The following LRRC55 variants were observed in gnomAD, a reference collection of about 807,000 sequenced individuals.
LRRC55 encodes the protein leucine-rich repeat-containing protein 55.
A neutral mutation model predicts 20.5 loss-of-function variants in LRRC55; 11 were observed. The observed-to-expected ratio is 0.54, with a 90% confidence interval of 0.34 to 0.89. The LOEUF (loss-of-function observed/expected upper bound fraction) is 0.89. LRRC55 is among the 40% of genes least tolerant of loss of function. The probability of loss-of-function intolerance (pLI) is 0.02; values close to 1 mark genes in which losing one functional copy is unlikely to be tolerated. For missense variants in LRRC55, 358 were observed against 390.9 expected, an observed-to-expected ratio of 0.92 and a Z score of 0.71; for synonymous variants, 188 against 166.6, an observed-to-expected ratio of 1.13 and a Z score of -0.99.
rs909317977 is a variant in LRRC55 at position 57,191,678 on chromosome 11, T to C, written c.*4198T>C. The C allele has an allele frequency of 6.6e-6, 1 of 152,264 alleles. No homozygotes were observed. The highest frequency in any genetic ancestry group is 1.9e-4 in the East Asian group (1 of 5,182). 9.4% of individuals were successfully genotyped at this position (152,264 alleles called of 1,614,324 possible). On this transcript the variant is annotated 3_prime_UTR_variant, in exon 2 of 2. Coordinates refer to ENST00000497933, the MANE Select transcript of LRRC55 (RefSeq NM_001005210.4). Reference sequence around the variant, plus strand: ...TTTTGTAACTGTGCAGAATTTTTCATAAATGTACATTAATAATAAAGAGTG... The same window carrying C: ...TTTTGTAACTGTGCAGAATTTTTCACAAATGTACATTAATAATAAAGAGTG...
Position 57,190,694 on chromosome 11 carries a change from C to T in LRRC55, c.*3214C>T, listed in dbSNP as rs1854497603. 1 of 152,142 alleles carries T rather than the reference C, an allele frequency of 6.6e-6. No individual in the cohort carries two copies. The highest frequency in any genetic ancestry group is 6.5e-5 in the Admixed American group (1 of 15,280). 9.4% of individuals were successfully genotyped at this position (152,142 alleles called of 1,614,324 possible). A position where few individuals can be genotyped will look rare whatever the true frequency, so the allele number is the denominator to read the frequency against. ...CTGACATAGTCCACTCAGCCATAGG[C>T]TGAGTGGCTAAATATGCATAAATAA... On this transcript the variant is annotated 3_prime_UTR_variant, in exon 2 of 2. Transcript: ENST00000497933.
chr11:57,187,203 C>G, intron 1 of LRRC55, 42 bp from the exon 2 acceptor site: 2 of 1,574,748 alleles, frequency 1.3e-6, no homozygotes, highest in Non-Finnish European at 1.7e-6. Flanking sequence ...AATCCCCTCT[C>G]CTTCCCTGGG....
At chr11:57,182,810 C>T in intron 1 of LRRC55, 127 bp downstream of exon 1, 1 of 979,862 alleles carries the variant, frequency 1.0e-6, no homozygotes, top group Non-Finnish European at 1.4e-6. Flanking sequence ...GTGGGCTTGC[C>T]TCTTTGTACA....
chr11:57,185,270 C>CTTTTTTTTTTTTTTTTTT (rs58800728), intron 1 of LRRC55, among the ~76,000 whole-genome samples: 23 of 89,438 alleles, frequency 2.6e-4, no homozygotes, highest in Non-Finnish European at 3.6e-4. Flanking sequence ...CTTTTCTTTT[C>CTTTTTTTTTTTTTTTTTT]TTTTTTTTTT....
At position 57,189,025 on chromosome 11, in the gene LRRC55, G is replaced by A. The variant is rs1161572244; in HGVS notation, c.*1545G>A. The A allele has an allele frequency of 6.6e-6, 1 of 152,228 alleles. No individual in the cohort carries two copies. The highest frequency in any genetic ancestry group is 1.5e-5 in the Non-Finnish European group (1 of 68,068). The allele number at this position is 152,228 out of a possible 1,614,324, so 9.4% of individuals were successfully genotyped here. A position where few individuals can be genotyped will look rare whatever the true frequency, so the allele number is the denominator to read the frequency against. The stretch of plus-strand genomic sequence containing the variant: ...AAAATCAAGTAACTTTACGAGCAAA[G>A]CACAATTATCATCATCGTGGTCTTC... On this transcript the variant is annotated 3_prime_UTR_variant, in exon 2 of 2. Transcript: ENST00000497933.
In LRRC55 at chr11:57,187,288, C is replaced by A. The variant is rs764183796; in HGVS notation, c.705C>A (p.Gly235=). Reference sequence around the variant, plus strand: ...GCCGGGGCCCTCCTGAAGTCGAGGGCGCCCCGCTCTTCTCACTCACTGAGG... The same window carrying A: ...GCCGGGGCCCTCCTGAAGTCGAGGGAGCCCCGCTCTTCTCACTCACTGAGG... ...AECRGPPEVE[G]APLFSLTEES... Residue 235 remains glycine (G), a synonymous_variant, in exon 2 of 2, where the codon GGC becomes GGA. Coordinates refer to ENST00000497933, the MANE Select transcript of LRRC55 (RefSeq NM_001005210.4). The A allele has an allele frequency of 6.2e-7, 1 of 1,614,034 alleles. No individual in the cohort carries two copies. Among genetic ancestry groups the A allele is most frequent in the East Asian group, 2.2e-5 (1 of 44,868 alleles).
At position 57,190,726 on chromosome 11, in the gene LRRC55, C is replaced by T. The variant is rs1854497954; in HGVS notation, c.*3246C>T. The T allele has an allele frequency of 6.6e-6, 1 of 152,126 alleles. No individual in the cohort carries two copies. Among genetic ancestry groups the T allele is most frequent in the African/African-American group, 2.4e-5 (1 of 41,412 alleles). The allele number at this position is 152,126 out of a possible 1,614,324, so 9.4% of individuals were successfully genotyped here. A position where few individuals can be genotyped will look rare whatever the true frequency, so the allele number is the denominator to read the frequency against. Reference sequence around the variant, plus strand: ...GCTAAATATGCATAAATAAGCATGCCTAAATAGGCATATATAGGTTGGTGC... The same window carrying T: ...GCTAAATATGCATAAATAAGCATGCTTAAATAGGCATATATAGGTTGGTGC... On this transcript the variant is annotated 3_prime_UTR_variant, in exon 2 of 2. Coordinates refer to ENST00000497933, the MANE Select transcript of LRRC55 (RefSeq NM_001005210.4).
chr11:57,190,282 T>C lies in LRRC55; in HGVS notation c.*2802T>C, dbSNP rs1169113281. On this transcript the variant is annotated 3_prime_UTR_variant, in exon 2 of 2. Transcript: ENST00000497933. Reference sequence around the variant, plus strand: ...CAATGTCCTTTCTAGTGGGACAATTTGGTCTCCATTAATGCCAAGCCTTTC... The same window carrying C: ...CAATGTCCTTTCTAGTGGGACAATTCGGTCTCCATTAATGCCAAGCCTTTC... The C allele has an allele frequency of 6.6e-6, 1 of 152,236 alleles. No individual in the cohort carries two copies. The highest frequency in any genetic ancestry group is 2.4e-5 in the African/African-American group (1 of 41,462). 9.4% of individuals were successfully genotyped at this position (152,236 alleles called of 1,614,324 possible). A position where few individuals can be genotyped will look rare whatever the true frequency, so the allele number is the denominator to read the frequency against.
At chr11:57,183,732 G>A (rs1052195825) in intron 1 of LRRC55, among the ~76,000 whole-genome samples, 3 of 152,196 alleles carry the variant, frequency 2.0e-5, no homozygotes, top group Non-Finnish European at 2.9e-5. Context: ...AGGGTAGGGA[G>A]CTGAAAGGAA....
Position 57,187,904 on chromosome 11 carries a change from T to A in LRRC55, c.*424T>A. ...TTTGTCAGGTAGGCAAAGAAGGGTG[T>A]CTGCACATGGCAGAGGCCAGAATAT... is the stretch of plus-strand genomic sequence containing the variant. On this transcript the variant is annotated 3_prime_UTR_variant, in exon 2 of 2. Transcript: ENST00000497933. 1 of 278,856 alleles carries A rather than the reference T, an allele frequency of 3.6e-6. No homozygotes were observed. Among genetic ancestry groups the A allele is most frequent in the Non-Finnish European group, 6.9e-6 (1 of 145,074 alleles). 17.3% of individuals were successfully genotyped at this position (278,856 alleles called of 1,614,324 possible).
At position 57,182,300 on chromosome 11, in the gene LRRC55, T is replaced by G. The variant is rs1286330601; in HGVS notation, c.278T>G (p.Val93Gly). ...CTCACATGCTACATGGAGCTCCAGG[T>G]GCTGGATTTGCACAACAACTCCTTA... ...GYLTCYMELQVLDLHNNSLME... is the reference protein window; with the variant it reads ...GYLTCYMELQGLDLHNNSLME... The change falls in exon 1 of 2, where the codon GTG becomes GGG. Residue 93 changes from valine to glycine, a missense_variant. Around this residue, in one of 3 missense-constraint regions of LRRC55, gnomAD observed 175 missense variants for 164.5 expected, o/e 1.06. Coordinates refer to ENST00000497933, the MANE Select transcript of LRRC55 (RefSeq NM_001005210.4). 1 of 1,614,088 alleles carries G rather than the reference T, an allele frequency of 6.2e-7. No individual in the cohort carries two copies. Among genetic ancestry groups the G allele is most frequent in the Non-Finnish European group, 8.5e-7 (1 of 1,179,998 alleles).
At chr11:57,184,983 G>C (rs1004383255) in intron 1 of LRRC55, among the ~76,000 whole-genome samples, 4 of 152,180 alleles carry the variant, frequency 2.6e-5, no homozygotes, top group African/African-American at 7.2e-5. Flanking sequence ...ATCCTGGCCT[G>C]GGCAGGACGG....
Position 57,187,809 on chromosome 11 carries a change from T to C in LRRC55, c.*329T>C. On this transcript the variant is annotated 3_prime_UTR_variant, in exon 2 of 2. Coordinates refer to ENST00000497933, the MANE Select transcript of LRRC55 (RefSeq NM_001005210.4). ...GGCCCAGAGGAGGAGCCATCATCTG[T>C]ATCTAGCAATGTCCATGAGAATTAT... 2.4e-6 allele frequency: 1 copy of C among 412,236 alleles called. No homozygotes were observed. The allele number at this position is 412,236 out of a possible 1,614,324, so 25.5% of individuals were successfully genotyped here. A position where few individuals can be genotyped will look rare whatever the true frequency, so the allele number is the denominator to read the frequency against.
intron 1 of LRRC55, among the ~76,000 whole-genome samples, chr11:57,185,270 C>CTTT (rs58800728): frequency 8.4e-4 from 75 of 89,362 alleles, no homozygotes; most frequent in South Asian, 1.4e-3. Context: ...CTTTTCTTTT[C>CTTT]TTTTTTTTTT....
Position 57,181,981 on chromosome 11 carries a change from C to T in LRRC55, c.-42C>T, listed in dbSNP as rs901518256. ...GACTCTCGATTCCATGGACACAGTC[C>T]TCATGGGCTCCCTCCAGCACTGCTG... is the stretch of plus-strand genomic sequence containing the variant. On this transcript the variant is annotated 5_prime_UTR_variant, in exon 1 of 2. Transcript: ENST00000497933. 5 of 1,614,038 alleles carry T rather than the reference C, an allele frequency of 3.1e-6. No homozygotes were observed. The Admixed American group carries it at 5.0e-5, about 16-fold the overall frequency.
rs747099968 is a variant in LRRC55 at position 57,186,035 on chromosome 11, C to T, written c.662-1210C>T. 2.0e-5 allele frequency among the ~76,000 whole-genome samples: 3 copies of T among 151,546 alleles called. No individual in the cohort carries two copies. In the East Asian group the frequency reaches 5.8e-4, roughly 29 times the overall value. On this transcript the variant is annotated intron_variant, in intron 1 of 1. Coordinates refer to ENST00000497933, the MANE Select transcript of LRRC55 (RefSeq NM_001005210.4). ...TTACATTAATATGTAGCATATAATTCGTGTACGTTAACTCACTGAATCCTC... is the reference window on the plus strand; with the variant it reads ...TTACATTAATATGTAGCATATAATTTGTGTACGTTAACTCACTGAATCCTC...
chr11:57,187,445 C>A lies in LRRC55; in HGVS notation c.862C>A (p.Arg288Ser). Residue 288 changes from arginine (R) to serine (S), a missense_variant, in exon 2 of 2, where the codon CGC becomes AGC. Transcript: ENST00000497933. ...LLGITANCCHRWSKASEEEEI is the reference protein window; with the variant it reads ...LLGITANCCHSWSKASEEEEI ...GGGCATCACTGCCAACTGCTGCCAC[C>A]GCTGGAGCAAGGCCAGTGAAGAGGA... The A allele has an allele frequency of 6.2e-7, 1 of 1,614,156 alleles. No homozygotes were observed. Among genetic ancestry groups the A allele is most frequent in the Non-Finnish European group, 8.5e-7 (1 of 1,180,024 alleles).
chr11:57,184,771 TG>T (rs1270138946), intron 1 of LRRC55, among the ~76,000 whole-genome samples: 4 of 152,234 alleles, frequency 2.6e-5, no homozygotes, highest in Non-Finnish European at 5.9e-5. Context: ...CAGGGGGTTT[TG>T]TCAGCCTCCA....
chr11:57,182,761 G>A (rs1854379709), intron 1 of LRRC55, 78 bp downstream of exon 1: 6 of 1,362,476 alleles, frequency 4.4e-6, no homozygotes, highest in Non-Finnish European at 4.8e-6. Context: ...AGAAAGCGGG[G>A]GAACTTAGAG....
Sources: allele counts gnomAD v4.1 joint callset (sites outside exome capture counted in the v4.1 genomes callset), GRCh38; gene constraint gnomAD v4.1.1; regional missense constraint gnomAD v4.1.1; transcripts MANE v1.5; gene names NCBI Gene and HGNC (gene_info 2026-07-23, HGNC 2026-07-21).